ZNF93: variants seen among roughly 807,000 people sequenced by gnomAD.
The protein encoded by ZNF93 is zinc finger protein 505.
Under a neutral mutation model 45.0 loss-of-function variants are expected in ZNF93, and 29 were observed. The ratio of observed to expected loss-of-function variants is 0.64; its 90% CI spans 0.48 to 0.88. ZNF93 has a LOEUF of 0.88. Ranked by LOEUF, ZNF93 falls within the 40% of genes least tolerant of loss-of-function variation. The pLI is 0.00. For missense variants in ZNF93, 578 were observed against 724.0 expected (o/e 0.80, Z 2.31); for synonymous variants, 223 against 244.6 (o/e 0.91, Z 0.82).
At chr19:19,918,108 A>G (rs896011860) in intron 3 of ZNF93, among the ~76,000 whole-genome samples, 30 of 100,538 alleles carry the variant, frequency 3.0e-4, no homozygotes, top group African/African-American at 1.2e-3. Flanking sequence ...CCGTCCCCCC[A>G]CCCCACAACA....
intron 3 of ZNF93, among the ~76,000 whole-genome samples, chr19:19,917,523 T>A (rs1357967254): frequency 1.3e-5 from 2 of 152,178 alleles, no homozygotes; most frequent in Non-Finnish European, 2.9e-5. Flanking sequence ...TTCATATACT[T>A]GTGTGTTAAT....
chr19:19,902,060 C>T (rs1599564044), intron 1 of ZNF93, among the ~76,000 whole-genome samples: 2 of 151,992 alleles, frequency 1.3e-5, no homozygotes, highest in East Asian at 1.9e-4. Context: ...TGTACTCCAG[C>T]CTTGGTGACA....
At chr19:19,922,482 G>T (rs1366328932) in intron 3 of ZNF93, among the ~76,000 whole-genome samples, 2 of 152,120 alleles carry the variant, frequency 1.3e-5, no homozygotes, top group South Asian at 2.1e-4. Flanking sequence ...TGAATGTTGG[G>T]CTGCCTTGCT....
Position 19,902,847 on chromosome 19 carries a change from C to T in ZNF93, c.3+1756C>T, listed in dbSNP as rs563300798. ...CGCCTCCCGGGTTCACGCCATTCTC[C>T]TGCCTGAGCCTCCCGAGTAGCTGGG... is the stretch of plus-strand genomic sequence containing the variant. On this transcript the variant is annotated intron_variant, in intron 1 of 3. Coordinates refer to ENST00000343769, the MANE Select transcript of ZNF93 (RefSeq NM_031218.4). Among the ~76,000 whole-genome samples the T allele has an allele frequency of 2.2e-3, 337 of 151,856 alleles. 3 individuals are homozygous for T. The highest frequency in any genetic ancestry group is 7.7e-3 in the African/African-American group (319 of 41,422).
chr19:19,916,212 A>G (rs1010750922), intron 2 of ZNF93, among the ~76,000 whole-genome samples: 3 of 151,900 alleles, frequency 2.0e-5, no homozygotes, highest in African/African-American at 4.8e-5. Flanking sequence ...GACTACAGGC[A>G]TGCATTACCA....
rs887495594 is a variant in ZNF93 at position 19,906,609 on chromosome 19, G to C, written c.3+5518G>C. ...CATCATGAAGTCTTTGCCGGTTTCT[G>C]TGTCTAGAATGGTATTTCCTAGTTA... On this transcript the variant is annotated intron_variant, in intron 1 of 3. Transcript: ENST00000343769. Among the ~76,000 whole-genome samples, 4 of 152,222 alleles carry C rather than the reference G, an allele frequency of 2.6e-5. No homozygotes were observed. The East Asian group carries it at 5.8e-4, about 22-fold the overall frequency.
intron 3 of ZNF93, chr19:19,927,339 C>G (rs1000001170): frequency 2.5e-6 from 1 of 396,882 alleles, no homozygotes; most frequent in Non-Finnish European, 4.4e-6. Flanking sequence ...GCTTGGGTGA[C>G]AGAGTGAGAC....
chr19:19,902,753 T>C (rs2063277932), intron 1 of ZNF93, among the ~76,000 whole-genome samples: 3 of 150,948 alleles, frequency 2.0e-5, no homozygotes, highest in Non-Finnish European at 4.4e-5. Context: ...TTTTTTTTTT[T>C]TGAGATGGAG....
chr19:19,927,117 G>C (rs989716031), intron 3 of ZNF93: 7 of 398,366 alleles, frequency 1.8e-5, no homozygotes, highest in African/African-American at 1.4e-4. Context: ...TCAGGGCCAG[G>C]TGTGGTTGTG....
intron 3 of ZNF93, among the ~76,000 whole-genome samples, chr19:19,928,583 G>A (rs1208326151): frequency 6.6e-6 from 1 of 152,168 alleles, no homozygotes; most frequent in Non-Finnish European, 1.5e-5. Flanking sequence ...GCAGTGCAGT[G>A]GCAGAATTTT....
chr19:19,901,078 G>A lies in ZNF93; in HGVS notation c.-11G>A. 1 of 1,613,412 alleles carries A rather than the reference G, an allele frequency of 6.2e-7. No individual in the cohort carries two copies. Among genetic ancestry groups the A allele is most frequent in the Non-Finnish European group, 8.5e-7 (1 of 1,179,614 alleles). On this transcript the variant is annotated 5_prime_UTR_variant, in exon 1 of 4. Coordinates refer to ENST00000343769, the MANE Select transcript of ZNF93 (RefSeq NM_031218.4). ...CACAGCTAAGACACCAGGACCCCTG[G>A]AAGCCTAGAAATGGTGAGAGTGCCG... is the stretch of plus-strand genomic sequence containing the variant.
At chr19:19,910,382 GC>G (rs560233250) in intron 1 of ZNF93, among the ~76,000 whole-genome samples, 103 of 152,174 alleles carry the variant, frequency 6.8e-4, no homozygotes, top group Non-Finnish European at 1.4e-3. Context: ...AACTAATAAT[GC>G]CACATTAGAC....
chr19:19,910,094 T>C (rs977606870), intron 1 of ZNF93, among the ~76,000 whole-genome samples: 4 of 152,110 alleles, frequency 2.6e-5, no homozygotes, highest in Non-Finnish European at 4.4e-5. Context: ...GACATGAGAA[T>C]CTCCACTTTC....
Position 19,933,380 on chromosome 19 carries a change from G to A in ZNF93, c.425G>A (p.Ser142Asn), listed in dbSNP as rs1013517934. Residue 142 changes from serine to asparagine, a missense_variant, in exon 4 of 4, where the codon AGC becomes AAC. Around this residue, in one of 3 missense-constraint regions of ZNF93, gnomAD observed 446 missense variants for 547.6 expected, o/e 0.81. Transcript: ENST00000343769. ...GLNQCSTTTQSKVFQCDKYGK... is the reference protein window; with the variant it reads ...GLNQCSTTTQNKVFQCDKYGK... The stretch of plus-strand genomic sequence containing the variant: ...AACCAGTGTAGTACAACTACCCAGA[G>A]CAAAGTATTTCAATGTGATAAATAT... The A allele has an allele frequency of 3.7e-6, 6 of 1,604,196 alleles. No individual in the cohort carries two copies. The highest frequency in any genetic ancestry group is 2.2e-5 in the East Asian group (1 of 44,802).
intron 1 of ZNF93, among the ~76,000 whole-genome samples, chr19:19,912,089 T>G (rs2063310325): frequency 6.6e-6 from 1 of 152,154 alleles, no homozygotes; most frequent in Non-Finnish European, 1.5e-5. Flanking sequence ...CTGTAGATAT[T>G]TATTTTCTAA....
At chr19:19,924,151 G>C (rs1194119360) in intron 3 of ZNF93, among the ~76,000 whole-genome samples, 1 of 151,702 alleles carries the variant, frequency 6.6e-6, no homozygotes, top group Non-Finnish European at 1.5e-5. Context: ...GCAATGGCAT[G>C]ATTTCGGCTC....
intron 1 of ZNF93, among the ~76,000 whole-genome samples, chr19:19,912,081 G>A (rs1296011971): frequency 6.6e-6 from 1 of 152,034 alleles, no homozygotes; most frequent in Admixed American, 6.6e-5. Flanking sequence ...CTTGCTAACT[G>A]TAGATATTTA....
At chr19:19,908,400 A>G (rs1348908832) in intron 1 of ZNF93, 2 of 152,230 alleles carry the variant, frequency 1.3e-5, no homozygotes, top group Non-Finnish European at 2.9e-5. Flanking sequence ...CTCTTTCTTC[A>G]TAATGCTCAT....
At chr19:19,916,857 T>A (rs1450827964) in intron 3 of ZNF93, among the ~76,000 whole-genome samples, 1 of 152,194 alleles carries the variant, frequency 6.6e-6, no homozygotes, top group African/African-American at 2.4e-5. Context: ...TTAAATTCTC[T>A]AAGGATTCTA....
Sources: gnomAD v4.1 joint callset for allele counts (sites outside exome capture counted in the v4.1 genomes callset) on GRCh38, gnomAD v4.1.1 for gene constraint, gnomAD v4.1.1 regional missense constraint, MANE v1.5 for transcripts, NCBI Gene and HGNC (gene_info 2026-07-23, HGNC 2026-07-21) for gene names.